The following HERC1 variants were observed in gnomAD, a reference collection of about 807,000 sequenced individuals.
HERC1 encodes probable E3 ubiquitin-protein ligase HERC1.
In HERC1, 160 loss-of-function variants were observed where a neutral mutation model predicts 554.3. The ratio of observed to expected loss-of-function variants is 0.29; its 90% confidence interval spans 0.25 to 0.33. The LOEUF (loss-of-function observed/expected upper bound fraction) is 0.33. Among genes scored for constraint, HERC1 ranks in the 10% least tolerant of loss-of-function variants. The pLI, the probability that HERC1 is intolerant of heterozygous loss-of-function variation, is 1.00. For synonymous variants in HERC1, 2,175 were observed against 2,131.7 expected, an observed-to-expected ratio of 1.02 and a Z score of -0.56; for missense variants, 4,919 against 5,918.5, an observed-to-expected ratio of 0.83 and a Z score of 5.54.
At chr15:63,672,855 ATATACATC>A (rs2071006269) in intron 38 of HERC1, among the ~76,000 whole-genome samples, 161 bp from the exon 39 acceptor site, 1 of 152,228 alleles carries the variant, frequency 6.6e-6, no homozygotes, top group African/African-American at 2.4e-5. Context: ...ATTCTTACTT[ATATACATC>A]TTTGTATTCA....
At chr15:63,660,002 G>T in intron 46 of HERC1, 66 bp from the exon 47 acceptor site, 3 of 1,279,034 alleles carry the variant, frequency 2.3e-6, no homozygotes, top group African/African-American at 1.5e-5. Context: ...GCTGGCAATG[G>T]TTGTTCTGAA....
intron 27 of HERC1, 128 bp from the exon 28 acceptor site, chr15:63,695,022 T>A (rs2072319150): frequency 1.3e-6 from 1 of 752,106 alleles, no homozygotes; most frequent in African/African-American, 3.6e-5. Context: ...TTTACTATAT[T>A]TCATATATAA....
chr15:63,679,692 T>G (rs1380565618), intron 36 of HERC1, among the ~76,000 whole-genome samples: 1 of 152,240 alleles, frequency 6.6e-6, no homozygotes, highest in Non-Finnish European at 1.5e-5. Context: ...CCCAGCTGAA[T>G]GAAAGGTAGT....
Position 63,615,818 on chromosome 15 carries a change from C to T in HERC1, c.14044G>A (p.Glu4682Lys). 1 of 1,608,512 alleles carries T rather than the reference C, an allele frequency of 6.2e-7. No individual in the cohort carries two copies. Among genetic ancestry groups the T allele is most frequent in the Non-Finnish European group, 8.5e-7 (1 of 1,178,118 alleles). ...SIPLTFSNRK[E>K]YVERAIEYRL... ...TATTCAATGGCCCTCTCCACATATT[C>T]CTTCCTGTTGGAAAATGTGAGTGGG... The change falls in exon 76 of 78, where the codon GAA becomes AAA. Residue 4682 changes from glutamate to lysine, a missense_variant. Physicochemically the swap from Glu to Lys is moderately conservative, Grantham distance 56 (BLOSUM62 1). Coordinates refer to ENST00000443617, the MANE Select transcript of HERC1 (RefSeq NM_003922.4).
intron 8 of HERC1, among the ~76,000 whole-genome samples, chr15:63,751,836 T>A (rs2075258715): frequency 6.6e-6 from 1 of 152,182 alleles, no homozygotes; most frequent in Admixed American, 6.5e-5. Flanking sequence ...ATGGATTTAT[T>A]ATTATTATTA....
At chr15:63,746,788 C>T in intron 12 of HERC1, 130 bp downstream of exon 12, 3 of 802,266 alleles carry the variant, frequency 3.7e-6, no homozygotes, top group Non-Finnish European at 5.7e-6. Flanking sequence ...ATACTCTCAC[C>T]AAGAAAACAG....
chr15:63,823,876 G>A (rs572224593), intron 1 of HERC1, among the ~76,000 whole-genome samples: 5 of 152,248 alleles, frequency 3.3e-5, no homozygotes, highest in Admixed American at 2.0e-4. Flanking sequence ...CGTAGCCTAC[G>A]GATTTGGAGA....
At chr15:63,618,831 T>C (rs2067939813) in intron 74 of HERC1, among the ~76,000 whole-genome samples, 2 of 152,260 alleles carry the variant, frequency 1.3e-5, no homozygotes, top group African/African-American at 4.8e-5. Context: ...TTTGTGATTT[T>C]TGCACATTGA....
chr15:63,682,961 C>T (rs2071552212), intron 34 of HERC1, among the ~76,000 whole-genome samples: 1 of 151,510 alleles, frequency 6.6e-6, no homozygotes, highest in African/African-American at 2.4e-5. Context: ...CATGGTGAAA[C>T]CTTATATCTA....
chr15:63,760,818 TATTGA>T (rs2075587142), intron 3 of HERC1, among the ~76,000 whole-genome samples: 1 of 152,204 alleles, frequency 6.6e-6, no homozygotes, highest in Non-Finnish European at 1.5e-5. Flanking sequence ...TGAAACTACA[TATTGA>T]ATTATCACAT....
intron 8 of HERC1, among the ~76,000 whole-genome samples, chr15:63,751,022 TA>T (rs2141845982): frequency 6.6e-6 from 1 of 152,292 alleles, no homozygotes; most frequent in South Asian, 2.1e-4. Flanking sequence ...TTCCAGTACA[TA>T]AGGCATATTT....
chr15:63,830,395 A>C (rs2078113329), intron 1 of HERC1, among the ~76,000 whole-genome samples: 1 of 152,220 alleles, frequency 6.6e-6, no homozygotes, highest in Non-Finnish European at 1.5e-5. Flanking sequence ...GAAGTTCTAA[A>C]AAATAACAGT....
chr15:63,749,015 A>T lies in HERC1; in HGVS notation c.2219+352T>A, dbSNP rs1028462486. Among the ~76,000 whole-genome samples, 14 of 151,964 alleles carry T rather than the reference A, an allele frequency of 9.2e-5. No individual in the cohort carries two copies. Among genetic ancestry groups the T allele is most frequent in the African/African-American group, 3.4e-4 (14 of 41,400 alleles). Reference sequence around the variant, plus strand: ...CAGATTGAGAGCACTGAGGTTAAACATTAAATCAATAAAGCCTAGTTCTGA... The same window carrying T: ...CAGATTGAGAGCACTGAGGTTAAACTTTAAATCAATAAAGCCTAGTTCTGA... On this transcript the variant is annotated intron_variant, in intron 10 of 77. Coordinates refer to ENST00000443617, the MANE Select transcript of HERC1 (RefSeq NM_003922.4). The surrounding 1 kb of genome is among the most constrained non-coding windows in gnomAD (Gnocchi z 4.1).
chr15:63,611,605 T>G (rs1028586237), intron 77 of HERC1, among the ~76,000 whole-genome samples: 1 of 152,178 alleles, frequency 6.6e-6, no homozygotes, highest in East Asian at 1.9e-4. Context: ...AATATTTTCA[T>G]GAAAACAAAC....
rs114890690 is a variant in HERC1, at chr15:63,641,925, T to C, written c.11434-282A>G. 2.5e-3 allele frequency among the ~76,000 whole-genome samples: 383 copies of C among 152,158 alleles called. 2 individuals are homozygous for C. The highest frequency in any genetic ancestry group is 8.5e-3 in the African/African-American group (353 of 41,518). ...AATAATTAACTATTTCTTCAGAACC[T>C]GCAGAATAAGGCATCTACTATATTT... On this transcript the variant is annotated intron_variant, in intron 59 of 77. Coordinates refer to ENST00000443617, the MANE Select transcript of HERC1 (RefSeq NM_003922.4).
rs2073672436 is a variant in HERC1 at position 63,718,552 on chromosome 15, AT to A, written c.3978+21del. On this transcript the variant is annotated intron_variant, in intron 21 of 77. Transcript: ENST00000443617. This position sits in a 1 kb window ranked among gnomAD's most constrained non-coding sequence, Gnocchi z 4.2. ...TCACAGCTTGCAGAAAAACATAGAA[AT>A]TAATTGATTTCAAACTTTACCCATC... The A allele has an allele frequency of 2.6e-6, 4 of 1,530,838 alleles. No individual in the cohort carries two copies. The highest frequency in any genetic ancestry group is 3.5e-6 in the Non-Finnish European group (4 of 1,132,774). 94.8% of individuals were successfully genotyped at this position (1,530,838 alleles called of 1,614,324 possible).
Position 63,649,884 on chromosome 15 carries a change from C to T in HERC1, c.10588G>A (p.Ala3530Thr). The T allele has an allele frequency of 6.2e-7, 1 of 1,611,980 alleles. No homozygotes were observed. The highest frequency in any genetic ancestry group is 8.5e-7 in the Non-Finnish European group (1 of 1,179,044). ...LVDIQPHWVS[A>T]LAWPEEGPAT... ...GGACCCTCTTCTGGCCAAGCCAGGG[C>T]AGATACCCAATGAGGCTGAATATCT... Residue 3530 changes from alanine (A) to threonine (T), a missense_variant, in exon 54 of 78, where the codon GCC becomes ACC. By Grantham distance (58) the Ala-to-Thr change is moderately conservative. Coordinates refer to ENST00000443617, the MANE Select transcript of HERC1 (RefSeq NM_003922.4).
rs1020509053 is a variant in HERC1 at position 63,665,853 on chromosome 15, T to C, written c.8555+66A>G. Reference sequence around the variant, plus strand: ...ACAATTAGAAGCATTTATGACGGGATATATAATAAATGGGGCTTTGAAATT... The same window carrying C: ...ACAATTAGAAGCATTTATGACGGGACATATAATAAATGGGGCTTTGAAATT... On this transcript the variant is annotated intron_variant, in intron 42 of 77. Coordinates refer to ENST00000443617, the MANE Select transcript of HERC1 (RefSeq NM_003922.4). 6.3e-6 allele frequency: 7 copies of C among 1,118,770 alleles called. No homozygotes were observed. In the African/African-American group the frequency reaches 9.3e-5, roughly 15 times the overall value. 69.3% of individuals were successfully genotyped at this position (1,118,770 alleles called of 1,614,324 possible). A position where few individuals can be genotyped will look rare whatever the true frequency, so the allele number is the denominator to read the frequency against.
intron 31 of HERC1, among the ~76,000 whole-genome samples, chr15:63,691,057 T>C (rs781395078): frequency 2.0e-5 from 3 of 152,326 alleles, no homozygotes; most frequent in African/African-American, 4.8e-5. Flanking sequence ...ACAGGTCTGT[T>C]AATCTCCAAA....
Sources: gnomAD v4.1 joint callset for allele counts (sites outside exome capture counted in the v4.1 genomes callset) on GRCh38, gnomAD v4.1.1 for gene constraint, Gnocchi (gnomAD v3.1) non-coding constraint, MANE v1.5 for transcripts, NCBI Gene and HGNC (gene_info 2026-07-23, HGNC 2026-07-21) for gene names.